RABL6: variants seen among roughly 807,000 people sequenced by gnomAD.
The protein encoded by RABL6 is RAB, member RAS oncogene family like 6.
RABL6 carries 28 observed loss-of-function variants against 72.9 expected under a neutral mutation model. The observed-to-expected ratio is 0.38, with a 90% CI of 0.28 to 0.53. The LOEUF (loss-of-function observed/expected upper bound fraction) is 0.53. Ranked by LOEUF, RABL6 falls within the 20% of genes least tolerant of loss-of-function variation. The pLI, the probability that RABL6 is intolerant of heterozygous loss-of-function variation, is 0.80. For synonymous variants in RABL6, 477 were observed against 421.2 expected (o/e 1.13, Z -1.62); for missense variants, 1,029 against 1,008.4 (o/e 1.02, Z -0.28).
rs774137252 is a variant in RABL6 at position 136,838,018 on chromosome 9, G to A, written c.1280+3G>A. 1 of 1,556,814 alleles carries A rather than the reference G, an allele frequency of 6.4e-7. No homozygotes were observed. The highest frequency in any genetic ancestry group is 1.2e-5 in the South Asian group (1 of 84,382). On this transcript the variant is annotated splice_donor_region_variant and intron_variant, in intron 10 of 14. Coordinates refer to ENST00000311502, the MANE Select transcript of RABL6 (RefSeq NM_024718.5). ...GCTGCCCAGCAGGACAGCGACAGGT[G>A]AGGGGTGGGCCTGGGCCTCCTCTCC...
At chr9:136,832,168 G>A in intron 6 of RABL6, 97 bp from the exon 7 acceptor site, 2 of 1,161,748 alleles carry the variant, frequency 1.7e-6, no homozygotes, top group South Asian at 1.3e-5. Flanking sequence ...GCAGGAGGAG[G>A]GAGGGCAGTG....
At chr9:136,831,335 G>C (rs1298391066) in intron 5 of RABL6, among the ~76,000 whole-genome samples, 1 of 152,188 alleles carries the variant, frequency 6.6e-6, no homozygotes, top group Non-Finnish European at 1.5e-5. Context: ...GGAGCCTGGA[G>C]GACCAGCCAC....
chr9:136,831,773 G>T lies in RABL6; in HGVS notation c.511G>T (p.Val171Leu), dbSNP rs752003110. The T allele has an allele frequency of 1.2e-6, 2 of 1,613,558 alleles. No homozygotes were observed. Among genetic ancestry groups the T allele is most frequent in the Non-Finnish European group, 8.5e-7 (1 of 1,179,860 alleles). The change falls in exon 6 of 15, where the codon GTG becomes TTG. Residue 171 changes from valine (V) to leucine (L), a missense_variant. Physicochemically the swap from Val to Leu is conservative, Grantham distance 32. Transcript: ENST00000311502. ...ELPKVPTHVP[V>L]CVLGNYRDMG... The stretch of plus-strand genomic sequence containing the variant: ...TCCAAAAGTGCCCACCCACGTGCCA[G>T]TGTGCGTGCTGGGAAACTACCGGGA...
At chr9:136,820,708 A>T (rs1367148799) in intron 1 of RABL6, among the ~76,000 whole-genome samples, 2 of 152,208 alleles carry the variant, frequency 1.3e-5, no homozygotes, top group Non-Finnish European at 2.9e-5. Flanking sequence ...AAATCAAAGG[A>T]AGGTTTAGAA....
rs1382370295 is a variant in RABL6, at chr9:136,838,170, C to T, written c.1280+155C>T. 7.2e-5 allele frequency among the ~76,000 whole-genome samples: 11 copies of T among 152,294 alleles called. No homozygotes were observed. The East Asian group carries it at 1.5e-3, about 21-fold the overall frequency. On this transcript the variant is annotated intron_variant, in intron 10 of 14. Coordinates refer to ENST00000311502, the MANE Select transcript of RABL6 (RefSeq NM_024718.5). ...AGAGCAGCTCTGTGGCTGGAGCAGA[C>T]GAGGGAAGGGCTTGGACGGGGCTTC... is the stretch of plus-strand genomic sequence containing the variant.
Position 136,808,174 on chromosome 9 carries a change from G to T in RABL6, c.-23G>T. ...CCGCTGAGCTCGCCGGCCGCGCCCG[G>T]GCTGGGACGTCCGAGCGGGAAGATG... On this transcript the variant is annotated 5_prime_UTR_variant, in exon 1 of 15. Transcript: ENST00000311502. 6.7e-7 allele frequency: 1 copy of T among 1,495,012 alleles called. No individual in the cohort carries two copies. The highest frequency in any genetic ancestry group is 8.9e-7 in the Non-Finnish European group (1 of 1,121,150). 92.6% of individuals were successfully genotyped at this position (1,495,012 alleles called of 1,614,324 possible).
In RABL6 at chr9:136,839,241, A is replaced by G; in HGVS notation, c.1513A>G (p.Lys505Glu). Residue 505 changes from lysine to glutamate, a missense_variant, in exon 12 of 15, where the codon AAG becomes GAG. Physicochemically the swap from Lys to Glu is moderately conservative, Grantham distance 56. Transcript: ENST00000311502. ...ETKWSSIPAS[K>E]PRRGTAPTRT... ...ACAAAGGTCCTCCATACCAGCTTCG[A>G]AGCCACGGAGGGGGACAGCTCCCAC... 6.2e-7 allele frequency: 1 copy of G among 1,601,772 alleles called. No homozygotes were observed. Among genetic ancestry groups the G allele is most frequent in the Middle Eastern group, 1.7e-4 (1 of 5,786 alleles).
rs368718973 is a variant in RABL6 at position 136,838,663 on chromosome 9, C to T, written c.1281-246C>T. 1.7e-3 allele frequency among the ~76,000 whole-genome samples: 264 copies of T among 152,346 alleles called. 2 individuals are homozygous for T. Among genetic ancestry groups the T allele is most frequent in the African/African-American group, 6.0e-3 (251 of 41,570 alleles). On this transcript the variant is annotated intron_variant, in intron 10 of 14. Transcript: ENST00000311502. ...CCTCCTCCACGAGCGCCCACTTGTG[C>T]GGCTCCACATCCTTCACCCACTGAG...
chr9:136,827,121 C>G (rs1401433837), intron 3 of RABL6: 1 of 152,232 alleles, frequency 6.6e-6, no homozygotes. Context: ...TAGCACCCAC[C>G]GGGAGAGTCT....
At chr9:136,819,519 T>C (rs189156232) in intron 1 of RABL6, among the ~76,000 whole-genome samples, 23 of 152,198 alleles carry the variant, frequency 1.5e-4, no homozygotes, top group Admixed American at 1.0e-3. Flanking sequence ...TTAATTTGGC[T>C]ATGTGGTGTA....
At chr9:136,817,300 C>T (rs1167380983) in intron 1 of RABL6, among the ~76,000 whole-genome samples, 1 of 152,132 alleles carries the variant, frequency 6.6e-6, no homozygotes, top group Admixed American at 6.5e-5. Flanking sequence ...AGACTGAGGA[C>T]TTTCCAGAGT....
At position 136,808,076 on chromosome 9, in the gene RABL6, G is replaced by T; in HGVS notation, c.-121G>T. 1 of 1,157,684 alleles carries T rather than the reference G, an allele frequency of 8.6e-7. No homozygotes were observed. The highest frequency in any genetic ancestry group is 1.1e-6 in the Non-Finnish European group (1 of 933,994). The allele number at this position is 1,157,684 out of a possible 1,614,324, so 71.7% of individuals were successfully genotyped here. On this transcript the variant is annotated 5_prime_UTR_variant, in exon 1 of 15. Coordinates refer to ENST00000311502, the MANE Select transcript of RABL6 (RefSeq NM_024718.5). ...TCCGCCGCCGGGACCCCGGCCTCTG[G>T]CCGCGCCGGCTCCGGCCTCCGGGGG...
chr9:136,808,111 C>T lies in RABL6; in HGVS notation c.-86C>T, dbSNP rs2131145485. ...CTCCGGCCTCCGGGGGGGCCGGGGCCGCCGGGACATGGTGCCAGTCGCACC... is the reference window on the plus strand; with the variant it reads ...CTCCGGCCTCCGGGGGGGCCGGGGCTGCCGGGACATGGTGCCAGTCGCACC... On this transcript the variant is annotated 5_prime_UTR_variant, in exon 1 of 15. Transcript: ENST00000311502. 7.5e-7 allele frequency: 1 copy of T among 1,333,644 alleles called. No individual in the cohort carries two copies. The highest frequency in any genetic ancestry group is 3.5e-5 in the East Asian group (1 of 28,208). 82.6% of individuals were successfully genotyped at this position (1,333,644 alleles called of 1,614,324 possible).
At chr9:136,811,970 A>G (rs560891686) in intron 1 of RABL6, among the ~76,000 whole-genome samples, 4 of 152,364 alleles carry the variant, frequency 2.6e-5, no homozygotes, top group Non-Finnish European at 4.4e-5. Context: ...GAGGAAGTCC[A>G]TTCAGATGGT....
chr9:136,818,865 A>G (rs1460670510), intron 1 of RABL6, among the ~76,000 whole-genome samples: 1 of 152,222 alleles, frequency 6.6e-6, no homozygotes, highest in East Asian at 1.9e-4. Flanking sequence ...GTGAAGCTGG[A>G]CAGTCAAGGC....
At position 136,838,974 on chromosome 9, in the gene RABL6, A is replaced by G. The variant is rs752215834; in HGVS notation, c.1346A>G (p.Asp449Gly). Residue 449 changes from aspartate (D) to glycine (G), a missense_variant, in exon 11 of 15, where the codon GAC becomes GGC. Around this residue, in one of 2 missense-constraint regions of RABL6, gnomAD observed 595 missense variants for 472.4 expected, o/e 1.26. Coordinates refer to ENST00000311502, the MANE Select transcript of RABL6 (RefSeq NM_024718.5). The part of the protein sequence containing the change: ...AGFQDDVDLE[D>G]QPRGSPPLPA... ...TTCCAGGACGATGTGGACCTCGAAG[A>G]CCAGCCACGTGGGAGTCCCCCGCTG... 2.5e-6 allele frequency: 4 copies of G among 1,611,398 alleles called. No individual in the cohort carries two copies. The highest frequency in any genetic ancestry group is 2.5e-6 in the Non-Finnish European group (3 of 1,179,374).
chr9:136,829,730 G>C, intron 5 of RABL6, among the ~76,000 whole-genome samples: 1 of 152,378 alleles, frequency 6.6e-6, no homozygotes, highest in African/African-American at 2.4e-5. Flanking sequence ...CTGGGGCAAG[G>C]CACGCACCTT....
In RABL6 at chr9:136,837,962, C is replaced by G; in HGVS notation, c.1227C>G (p.Pro409=). ...LDRSFLEDTT[P]ARDEKKVGAK... ...GCAGCTTCCTGGAAGACACAACCCCCGCCAGGGACGAGAAGAAGGTGGGGG... is the reference window on the plus strand; with the variant it reads ...GCAGCTTCCTGGAAGACACAACCCCGGCCAGGGACGAGAAGAAGGTGGGGG... The change falls in exon 10 of 15, where the codon CCC becomes CCG. Residue 409 remains proline (P), a synonymous_variant. Coordinates refer to ENST00000311502, the MANE Select transcript of RABL6 (RefSeq NM_024718.5). 1 of 1,568,232 alleles carries G rather than the reference C, an allele frequency of 6.4e-7. No individual in the cohort carries two copies. The highest frequency in any genetic ancestry group is 8.6e-7 in the Non-Finnish European group (1 of 1,157,374).
chr9:136,812,362 C>T (rs1336026494), intron 1 of RABL6, among the ~76,000 whole-genome samples: 1 of 152,062 alleles, frequency 6.6e-6, no homozygotes, highest in Non-Finnish European at 1.5e-5. Context: ...GAGTTCAAGA[C>T]CAACCTGGCC....
Sources: gnomAD v4.1 joint callset for allele counts (sites outside exome capture counted in the v4.1 genomes callset) on GRCh38, gnomAD v4.1.1 for gene constraint, gnomAD v4.1.1 regional missense constraint, MANE v1.5 for transcripts, NCBI Gene and HGNC (gene_info 2026-07-23, HGNC 2026-07-21) for gene names.